TJP1: variants seen among roughly 807,000 people sequenced by gnomAD.
The protein encoded by TJP1 is tight junction protein ZO-1.
TJP1 carries 43 observed loss-of-function variants against 194.2 expected under a neutral mutation model. The ratio of observed to expected loss-of-function variants is 0.22; its 90% CI spans 0.17 to 0.29. TJP1 has a LOEUF of 0.29. Among genes scored for constraint, TJP1 ranks in the 10% least tolerant of loss-of-function variants. The pLI is 1.00. For synonymous variants in TJP1, 801 were observed against 779.0 expected (o/e 1.03, Z -0.47); for missense variants, 1,971 against 2,185.7 (o/e 0.90, Z 1.96).
At position 29,810,787 on chromosome 15, in the gene TJP1, G is replaced by A. The variant is rs147462652; in HGVS notation, c.28-10085C>T. 3.7e-3 allele frequency among the ~76,000 whole-genome samples: 562 copies of A among 152,254 alleles called. 4 individuals carry two copies. The highest frequency in any genetic ancestry group is 5.9e-3 in the Non-Finnish European group (403 of 68,028). ...TATGAGGTGCATGAAAGATGGAGGT[G>A]GCAAGGTTTCCGGGTAGAAAAAACA... On this transcript the variant is annotated intron_variant, in intron 1 of 27. Coordinates refer to ENST00000614355, the MANE Select transcript of TJP1 (RefSeq NM_001330239.4).
intron 8 of TJP1, among the ~76,000 whole-genome samples, chr15:29,746,344 C>G (rs1427859564): frequency 1.3e-5 from 2 of 151,612 alleles, no homozygotes; most frequent in Non-Finnish European, 2.9e-5. Context: ...AGCCACTGCA[C>G]TCCAGCCTGG....
At chr15:29,885,656 A>G (rs1018622323) in intron 2 of TJP1, among the ~76,000 whole-genome samples, 18 of 152,258 alleles carry the variant, frequency 1.2e-4, no homozygotes, top group Non-Finnish European at 2.1e-4. Context: ...GGGGAAAGAA[A>G]ACAGAGAACT....
intron 2 of TJP1, chr15:29,956,089 G>A: frequency 1.7e-6 from 1 of 600,718 alleles, no homozygotes. Flanking sequence ...AAACATTCTG[G>A]TTGGTAAACT....
intron 2 of TJP1, among the ~76,000 whole-genome samples, chr15:29,946,906 A>T (rs1185126551): frequency 6.6e-6 from 1 of 152,174 alleles, no homozygotes; most frequent in Non-Finnish European, 1.5e-5. Context: ...AGACTTCCTG[A>T]ATGAGGGATA....
At chr15:29,793,478 A>G (rs767722247) in intron 2 of TJP1, among the ~76,000 whole-genome samples, 17 of 152,310 alleles carry the variant, frequency 1.1e-4, no homozygotes, top group Non-Finnish European at 1.5e-4. Flanking sequence ...ATATAAAAAA[A>G]GAGTTCATTG....
In TJP1 at chr15:29,745,770, C is replaced by T. The variant is rs45463493; in HGVS notation, c.1011-2989G>A. ...ACCTAGAAACAAGATGTCCATAATA[C>T]GGAAAGTTTCTTATCAAAAGAATAA... On this transcript the variant is annotated intron_variant, in intron 8 of 27. Transcript: ENST00000614355. Among the ~76,000 whole-genome samples, 1,250 of 152,254 alleles carry T rather than the reference C, an allele frequency of 8.2e-3. 8 individuals carry two copies. The highest frequency in any genetic ancestry group is 0.023 in the African/African-American group (951 of 41,552).
rs1215087019 is a variant in TJP1, at chr15:29,766,405, C to A, written c.450G>T (p.Arg150Ser). ...RSGRSGVVNR[R>S]SEKIWPRDRS... Reference sequence around the variant, plus strand: ...TATCCCTCGGCCAAATCTTCTCACTCCTTCTGTTAACCACACCACTCCGGC... The same window carrying A: ...TATCCCTCGGCCAAATCTTCTCACTACTTCTGTTAACCACACCACTCCGGC... The change falls in exon 5 of 28, where the codon AGG becomes AGT. Residue 150 changes from arginine to serine, a missense_variant. By Grantham distance (110) the Arg-to-Ser change is moderately radical. Transcript: ENST00000614355. 1 of 1,614,066 alleles carries A rather than the reference C, an allele frequency of 6.2e-7. No individual in the cohort carries two copies. Among genetic ancestry groups the A allele is most frequent in the Non-Finnish European group, 8.5e-7 (1 of 1,180,044 alleles).
At chr15:29,746,942 C>T (rs1215216757) in intron 8 of TJP1, among the ~76,000 whole-genome samples, 2 of 149,554 alleles carry the variant, frequency 1.3e-5, no homozygotes, top group East Asian at 1.9e-4. Context: ...TATTTTCTAG[C>T]TCAAACAAGG....
rs397975539 is a variant in TJP1, at chr15:29,864,237, C to CAAAAAA, written c.307-63541_307-63536dup. ...TGAAACCCCGTCTCTACTAAAAATACAAAAAAAAAAAAAAAAAAAAAAAAA... is the reference window on the plus strand; with the variant it reads ...TGAAACCCCGTCTCTACTAAAAATACAAAAAAAAAAAAAAAAAAAAAAAAAAAAAAA... On this transcript the variant is annotated intron_variant, in intron 2 of 28. Transcript: ENST00000356107. 1.5e-3 allele frequency among the ~76,000 whole-genome samples: 29 copies of CAAAAAA among 18,944 alleles called. 2 individuals are homozygous for CAAAAAA. The East Asian group carries it at 0.022, about 14-fold the overall frequency. 12.4% of individuals were successfully genotyped at this position (18,944 alleles called of 152,430 possible).
rs201542065 is a variant in TJP1, at chr15:29,732,686, G to A, written c.1866C>T (p.Ser622=). 1.9e-4 allele frequency: 304 copies of A among 1,614,148 alleles called. No individual in the cohort carries two copies. The African/African-American group carries it at 3.3e-3, about 18-fold the overall frequency. The change falls in exon 14 of 28, where the codon TCC becomes TCT. Residue 622 remains serine, a synonymous_variant. Transcript: ENST00000614355. ...GAAACTTTGTTTGAACAGGCTGAGC[G>A]GACAAATCCTCTCTGCTTTTTCGAA... The part of the protein sequence containing the change: ...RNLRKSREDL[S]AQPVQTKFPA...
intron 2 of TJP1, among the ~76,000 whole-genome samples, chr15:29,847,405 C>T (rs1192062588): frequency 6.6e-6 from 1 of 151,980 alleles, no homozygotes; most frequent in African/African-American, 2.4e-5. Flanking sequence ...CCTTCTTTTG[C>T]TTGCTTTGGC....
intron 10 of TJP1, among the ~76,000 whole-genome samples, chr15:29,740,684 T>G (rs2151331524): frequency 6.6e-6 from 1 of 152,248 alleles, no homozygotes; most frequent in South Asian, 2.1e-4. Flanking sequence ...TCATGATGGT[T>G]TGAAATTTGT....
At chr15:29,784,648 C>T (rs1381195150) in intron 2 of TJP1, among the ~76,000 whole-genome samples, 2 of 151,966 alleles carry the variant, frequency 1.3e-5, no homozygotes, top group South Asian at 2.1e-4. Flanking sequence ...GTACAAAAAA[C>T]ACAAATAAAC....
intron 2 of TJP1, among the ~76,000 whole-genome samples, chr15:29,909,401 T>C (rs1035070794): frequency 1.3e-5 from 2 of 150,800 alleles, no homozygotes; most frequent in Admixed American, 6.6e-5. Flanking sequence ...CTTCCAGCTA[T>C]TGTGGTCTGC....
chr15:29,832,282 A>G (rs1269523541), intron 2 of TJP1, among the ~76,000 whole-genome samples: 1 of 152,120 alleles, frequency 6.6e-6, no homozygotes, highest in Non-Finnish European at 1.5e-5. Context: ...TGTGGAAAAG[A>G]AATGAGACCC....
intron 2 of TJP1, among the ~76,000 whole-genome samples, chr15:29,829,273 T>A (rs1458913092): frequency 8.5e-5 from 13 of 152,210 alleles, no homozygotes; most frequent in Admixed American, 7.9e-4. Flanking sequence ...TCTGCCTGTT[T>A]TAACTCTTTA....
intron 2 of TJP1, among the ~76,000 whole-genome samples, chr15:29,919,802 T>A (rs934871440): frequency 3.3e-5 from 5 of 152,204 alleles, no homozygotes; most frequent in Admixed American, 2.6e-4. Flanking sequence ...CTGGACCCTC[T>A]GGGAAACAAC....
intron 24 of TJP1, among the ~76,000 whole-genome samples, chr15:29,710,208 T>C (rs1749261995): frequency 6.6e-6 from 1 of 151,952 alleles, no homozygotes; most frequent in Admixed American, 6.6e-5. Context: ...AAACTGTCTT[T>C]ATCTGTAAAC....
chr15:29,811,226 T>A lies in TJP1; in HGVS notation c.28-10524A>T, dbSNP rs184779644. 3.3e-5 allele frequency among the ~76,000 whole-genome samples: 5 copies of A among 152,170 alleles called. No individual in the cohort carries two copies. The East Asian group carries it at 9.7e-4, about 29-fold the overall frequency. The stretch of plus-strand genomic sequence containing the variant: ...CTGACCATATTAAGGATTTTGATCT[T>A]TTACTCTAAAGGTAGTTAAGCAGCC... On this transcript the variant is annotated intron_variant, in intron 1 of 27. Coordinates refer to ENST00000614355, the MANE Select transcript of TJP1 (RefSeq NM_001330239.4).
Sources: gnomAD v4.1 joint callset for allele counts (sites outside exome capture counted in the v4.1 genomes callset) on GRCh38, gnomAD v4.1.1 for gene constraint, MANE v1.5 for transcripts, NCBI Gene and HGNC (gene_info 2026-07-23, HGNC 2026-07-21) for gene names.